TRAPPC8: variants seen among roughly 807,000 people sequenced by gnomAD.
TRAPPC8 encodes the protein trafficking protein particle complex subunit 8.
A neutral mutation model predicts 174.3 loss-of-function variants in TRAPPC8; 54 were observed. That is an observed-to-expected ratio of 0.31 (90% CI 0.25 to 0.39). TRAPPC8 has a LOEUF of 0.39. Among genes scored for constraint, TRAPPC8 ranks in the 10% least tolerant of loss-of-function variants. TRAPPC8 has a pLI of 1.00. For missense variants in TRAPPC8, 1,531 were observed against 1,699.1 expected, an observed-to-expected ratio of 0.90 and a Z score of 1.74; for synonymous variants, 630 against 579.9, an observed-to-expected ratio of 1.09 and a Z score of -1.24.
intron 9 of TRAPPC8, among the ~76,000 whole-genome samples, chr18:31,903,667 A>G (rs1317979118): frequency 6.6e-6 from 1 of 152,234 alleles, no homozygotes; most frequent in Non-Finnish European, 1.5e-5. Context: ...TCTTATAGAC[A>G]GTGCAAAGAC....
intron 16 of TRAPPC8, among the ~76,000 whole-genome samples, chr18:31,867,678 AT>A (rs1166654887): frequency 6.6e-6 from 1 of 152,088 alleles, no homozygotes; most frequent in East Asian, 1.9e-4. Flanking sequence ...CTCAATATAT[AT>A]TTTTTTCATT....
At chr18:31,840,947 CA>C (rs1298400628) in intron 26 of TRAPPC8, among the ~76,000 whole-genome samples, 1 of 149,504 alleles carries the variant, frequency 6.7e-6, no homozygotes, top group South Asian at 2.1e-4. Context: ...AAAACACAAA[CA>C]AAAAAAGATT....
At chr18:31,891,548 T>G (rs1351311634) in intron 11 of TRAPPC8, among the ~76,000 whole-genome samples, 2 of 152,182 alleles carry the variant, frequency 1.3e-5, no homozygotes, top group Non-Finnish European at 2.9e-5. Context: ...ACATACTACA[T>G]TACGTCACTG....
At chr18:31,921,478 G>A (rs977069504) in intron 2 of TRAPPC8, among the ~76,000 whole-genome samples, 2 of 151,934 alleles carry the variant, frequency 1.3e-5, no homozygotes, top group Non-Finnish European at 2.9e-5. Flanking sequence ...CTGGGTGGGC[G>A]GGGTGACACA....
intron 26 of TRAPPC8, among the ~76,000 whole-genome samples, chr18:31,841,279 T>G (rs1039035599): frequency 6.6e-6 from 1 of 151,696 alleles, no homozygotes; most frequent in Non-Finnish European, 1.5e-5. Flanking sequence ...TGTATATTTG[T>G]TTTTTTTGTT....
chr18:31,888,363 A>T (rs1016938155), intron 12 of TRAPPC8, among the ~76,000 whole-genome samples: 3 of 152,176 alleles, frequency 2.0e-5, no homozygotes, highest in African/African-American at 7.2e-5. Context: ...GAGAAACCTC[A>T]TCTCTACTAA....
chr18:31,839,519 A>G, intron 26 of TRAPPC8, 62 bp from the exon 27 acceptor site: 9 of 1,388,848 alleles, frequency 6.5e-6, no homozygotes, highest in Non-Finnish European at 8.7e-6. Context: ...AAAAAAAAAA[A>G]GCATAGTGTA....
At position 31,943,074 on chromosome 18, in the gene TRAPPC8, C is replaced by T. The variant is rs2038422111; in HGVS notation, c.-310G>A. On this transcript the variant is annotated 5_prime_UTR_variant, in exon 1 of 29. Transcript: ENST00000283351. Reference sequence around the variant, plus strand: ...TCGGACGGCAAAACCTTGGTCACTGCCCGGCCGGAACCGCCATGTTGAGGC... The same window carrying T: ...TCGGACGGCAAAACCTTGGTCACTGTCCGGCCGGAACCGCCATGTTGAGGC... 4 of 449,400 alleles carry T rather than the reference C, an allele frequency of 8.9e-6. No homozygotes were observed. The highest frequency in any genetic ancestry group is 1.5e-5 in the Non-Finnish European group (4 of 271,286). 27.8% of individuals were successfully genotyped at this position (449,400 alleles called of 1,614,324 possible).
chr18:31,904,329 C>T (rs1319608320), intron 9 of TRAPPC8, among the ~76,000 whole-genome samples: 4 of 151,972 alleles, frequency 2.6e-5, no homozygotes, highest in Admixed American at 6.6e-5. Context: ...GTGGGTGGAT[C>T]ACCTGAAGTC....
At chr18:31,876,489 C>CAAGAAAAAAAAAA (rs550806669) in intron 12 of TRAPPC8, among the ~76,000 whole-genome samples, 1 of 48,722 alleles carries the variant, frequency 2.1e-5, no homozygotes, top group African/African-American at 9.4e-5. Flanking sequence ...GACTCCATCT[C>CAAGAAAAAAAAAA]AAAAAAAAAA....
At chr18:31,922,234 A>G (rs2037420897) in intron 2 of TRAPPC8, among the ~76,000 whole-genome samples, 1 of 152,232 alleles carries the variant, frequency 6.6e-6, no homozygotes, top group Non-Finnish European at 1.5e-5. Flanking sequence ...AGCAAAATAC[A>G]TACACATACA....
rs777684192 is a variant in TRAPPC8, at chr18:31,908,719, T to A, written c.1122+35A>T. 7.4e-6 allele frequency: 11 copies of A among 1,493,392 alleles called. No individual in the cohort carries two copies. In the South Asian group the frequency reaches 1.4e-4, roughly 19 times the overall value. 92.5% of individuals were successfully genotyped at this position (1,493,392 alleles called of 1,614,324 possible). ...TTCTTAAATTTACTATTTACTTAAA[T>A]TTTTAAAATACTAATCCAAAAAATC... On this transcript the variant is annotated intron_variant, in intron 7 of 28. Coordinates refer to ENST00000283351, the MANE Select transcript of TRAPPC8 (RefSeq NM_014939.5).
intron 12 of TRAPPC8, among the ~76,000 whole-genome samples, chr18:31,876,715 G>C (rs981099738): frequency 6.6e-6 from 1 of 151,474 alleles, no homozygotes; most frequent in Non-Finnish European, 1.5e-5. Context: ...CCATGGAAAG[G>C]GTAAGTGGGA....
chr18:31,893,400 TGTGC>T lies in TRAPPC8; in HGVS notation c.1597-2538_1597-2535del, dbSNP rs1452262467. On this transcript the variant is annotated intron_variant, in intron 11 of 28. Coordinates refer to ENST00000283351, the MANE Select transcript of TRAPPC8 (RefSeq NM_014939.5). The stretch of plus-strand genomic sequence containing the variant: ...TTCTAGGTGTGTGTGTGTGTGTGTG[TGTGC>T]GCGCGCGCGTGTGCCTGTGTGTGTG... Among the ~76,000 whole-genome samples, 661 of 150,578 alleles carry T rather than the reference TGTGC, an allele frequency of 4.4e-3. 3 individuals are homozygous for T. Among genetic ancestry groups the T allele is most frequent in the African/African-American group, 0.016 (626 of 40,158 alleles).
At chr18:31,880,252 A>T (rs2035383489) in intron 12 of TRAPPC8, among the ~76,000 whole-genome samples, 1 of 151,366 alleles carries the variant, frequency 6.6e-6, no homozygotes, top group Non-Finnish European at 1.5e-5. Context: ...AAAACCATCA[A>T]TAAAATACTA....
At chr18:31,836,537 G>T (rs1219420406) in intron 27 of TRAPPC8, among the ~76,000 whole-genome samples, 1 of 152,176 alleles carries the variant, frequency 6.6e-6, no homozygotes, top group Non-Finnish European at 1.5e-5. Context: ...TTAATAAACA[G>T]AGCTGAAGTA....
chr18:31,903,121 C>CGTGCATGTGTGT (rs1555674907), intron 9 of TRAPPC8, among the ~76,000 whole-genome samples: 2 of 149,010 alleles, frequency 1.3e-5, no homozygotes, highest in African/African-American at 4.9e-5. Flanking sequence ...TGCGTGCGTG[C>CGTGCATGTGTGT]GTGTGTGTGT....
intron 15 of TRAPPC8, 132 bp from the exon 16 acceptor site, chr18:31,870,634 T>C (rs1486820889): frequency 1.0e-6 from 1 of 993,440 alleles, no homozygotes; most frequent in Non-Finnish European, 1.5e-6. Context: ...ACCTTATAAA[T>C]GTCCACGTAT....
intron 1 of TRAPPC8, among the ~76,000 whole-genome samples, chr18:31,934,000 C>T (rs1263358640): frequency 6.6e-6 from 1 of 151,984 alleles, no homozygotes; most frequent in Non-Finnish European, 1.5e-5. Context: ...CCAGCCTGGC[C>T]AACAAGGTGA....
Sources: gnomAD v4.1 joint callset for allele counts (sites outside exome capture counted in the v4.1 genomes callset) on GRCh38, gnomAD v4.1.1 for gene constraint, MANE v1.5 for transcripts, NCBI Gene and HGNC (gene_info 2026-07-23, HGNC 2026-07-21) for gene names.